EOMES: variants seen among roughly 807,000 people sequenced by gnomAD.
EOMES encodes the protein eomesodermin homolog.
In EOMES, 18 loss-of-function variants were observed where a neutral mutation model predicts 61.0. The ratio of observed to expected loss-of-function variants is 0.30; its 90% CI spans 0.20 to 0.44. The LOEUF (loss-of-function observed/expected upper bound fraction) is 0.44, where lower values mean the gene tolerates loss of function less well. Ranked by LOEUF, EOMES falls within the 20% of genes least tolerant of loss-of-function variation. The pLI, the probability that EOMES is intolerant of heterozygous loss-of-function variation, is 1.00. For synonymous variants in EOMES, 430 were observed against 394.0 expected (o/e 1.09, Z -1.08); for missense variants, 885 against 939.2 (o/e 0.94, Z 0.75).
At position 27,719,466 on chromosome 3, in the gene EOMES, A is replaced by C; in HGVS notation, c.1052T>G (p.Val351Gly). 6.2e-7 allele frequency: 1 copy of C among 1,613,342 alleles called. No homozygotes were observed. The highest frequency in any genetic ancestry group is 8.5e-7 in the Non-Finnish European group (1 of 1,179,492). ...ACCAGTATTAGGAGACTCTGGGTGA[A>C]CATACATTTTGTTGCCTAAGAGAAA... ...DNNMQGNKMY[V>G]HPESPNTGSH... The change falls in exon 3 of 6, where the codon GTT becomes GGT. Residue 351 changes from valine (V) to glycine (G), a missense_variant. By Grantham distance (109) the Val-to-Gly change is moderately radical. Around this residue, in one of 3 missense-constraint regions of EOMES, gnomAD observed 177 missense variants for 273.3 expected, o/e 0.65. Coordinates refer to ENST00000449599, the MANE Select transcript of EOMES (RefSeq NM_001278182.2).
At position 27,717,596 on chromosome 3, in the gene EOMES, G is replaced by T; in HGVS notation, c.1592C>A (p.Ala531Asp). Residue 531 changes from alanine (A) to aspartate (D), a missense_variant, in exon 6 of 6, where the codon GCC becomes GAC. Physicochemically the swap from Ala to Asp is moderately radical, Grantham distance 126 (BLOSUM62 -2). Coordinates refer to ENST00000449599, the MANE Select transcript of EOMES (RefSeq NM_001278182.2). The surrounding 1 kb of genome is among the most constrained non-coding windows in gnomAD (Gnocchi z 4.5). ...GACAAGCCACCGCTGGGGAGGGTTGGCCACCTCTTCGCTCTGTTGGGGTGA... is the reference window on the plus strand; with the variant it reads ...GACAAGCCACCGCTGGGGAGGGTTGTCCACCTCTTCGCTCTGTTGGGGTGA... The part of the protein sequence containing the change: ...LLSPQQSEEV[A>D]NPPQRWLVTP... 1 of 1,614,178 alleles carries T rather than the reference G, an allele frequency of 6.2e-7. No homozygotes were observed. Among genetic ancestry groups the T allele is most frequent in the Non-Finnish European group, 8.5e-7 (1 of 1,180,010 alleles).
chr3:27,719,745 G>A lies in EOMES; in HGVS notation c.1037-264C>T, dbSNP rs140009747. Among the ~76,000 whole-genome samples, 301 of 152,282 alleles carry A rather than the reference G, an allele frequency of 2.0e-3. 2 individuals are homozygous for A. The highest frequency in any genetic ancestry group is 2.8e-3 in the Non-Finnish European group (191 of 68,034). On this transcript the variant is annotated intron_variant, in intron 2 of 5. Coordinates refer to ENST00000449599, the MANE Select transcript of EOMES (RefSeq NM_001278182.2). ...GAATTTAGAAACGGAGCTAACAAGA[G>A]ATGACTCTTGAAGGTCAATTTGGGG...
Position 27,716,629 on chromosome 3 carries a change from T to A in EOMES, c.*441A>T, listed in dbSNP as rs147495458. The A allele has an allele frequency of 5.2e-4, 81 of 156,780 alleles. No individual in the cohort carries two copies. The East Asian group carries it at 0.015, about 28-fold the overall frequency. 9.7% of individuals were successfully genotyped at this position (156,780 alleles called of 1,614,324 possible). Reference sequence around the variant, plus strand: ...CAGAATGTAACAGCAAAATGTCTCCTTCTGAAACGGAAGGCACAGCCCTCT... The same window carrying A: ...CAGAATGTAACAGCAAAATGTCTCCATCTGAAACGGAAGGCACAGCCCTCT... On this transcript the variant is annotated 3_prime_UTR_variant, in exon 6 of 6. Coordinates refer to ENST00000449599, the MANE Select transcript of EOMES (RefSeq NM_001278182.2).
In EOMES at chr3:27,722,026, G is replaced by A; in HGVS notation, c.269C>T (p.Ala90Val). ...LSDTDAGDAF[A>V]SAAAVAKPGP... Reference sequence around the variant, plus strand: ...CGGCTTGGCCACTGCCGCAGCGCTGGCAAATGCGTCCCCGGCGTCGGTGTC... The same window carrying A: ...CGGCTTGGCCACTGCCGCAGCGCTGACAAATGCGTCCCCGGCGTCGGTGTC... The change falls in exon 1 of 6, where the codon GCC (alanine) becomes GTC (valine). Residue 90 changes from alanine to valine, a missense_variant. Physicochemically the swap from Ala to Val is moderately conservative, Grantham distance 64. Transcript: ENST00000449599. 1.3e-6 allele frequency: 2 copies of A among 1,527,580 alleles called. No homozygotes were observed. Among genetic ancestry groups the A allele is most frequent in the Non-Finnish European group, 1.8e-6 (2 of 1,138,320 alleles). 94.6% of individuals were successfully genotyped at this position (1,527,580 alleles called of 1,614,324 possible).
chr3:27,718,690 C>A (rs202235986), intron 4 of EOMES, 42 bp from the exon 5 acceptor site: 2 of 1,612,960 alleles, frequency 1.2e-6, no homozygotes, highest in South Asian at 1.1e-5. Flanking sequence ...ATTTATCATG[C>A]TGGACCTTAG....
At position 27,717,731 on chromosome 3, in the gene EOMES, C is replaced by G. The variant is rs904729096; in HGVS notation, c.1457G>C (p.Gly486Ala). Residue 486 changes from glycine to alanine, a missense_variant, in exon 6 of 6, where the codon GGA (glycine) becomes GCA (alanine). Gly to Ala is a moderately conservative substitution (Grantham distance 60). Coordinates refer to ENST00000449599, the MANE Select transcript of EOMES (RefSeq NM_001278182.2). The surrounding 1 kb of genome is among the most constrained non-coding windows in gnomAD (Gnocchi z 4.5). ...DSPRSHQIVP[G>A]GRYGVQSFFP... is the part of the protein sequence containing the mutation. ...GAAGGATTGAACGCCGTACCGACCTCCAGGGACAATCTGATGGGATCTAGG... is the reference window on the plus strand; with the variant it reads ...GAAGGATTGAACGCCGTACCGACCTGCAGGGACAATCTGATGGGATCTAGG... The G allele has an allele frequency of 6.2e-7, 1 of 1,613,756 alleles. No individual in the cohort carries two copies.
chr3:27,721,932 G>GGCA lies in EOMES; in HGVS notation c.362_363insTGC (p.Ala130dup). 7.3e-7 allele frequency: 1 copy of GGCA among 1,369,454 alleles called. No individual in the cohort carries two copies. The highest frequency in any genetic ancestry group is 9.3e-7 in the Non-Finnish European group (1 of 1,073,388). 84.8% of individuals were successfully genotyped at this position (1,369,454 alleles called of 1,614,324 possible). A position where few individuals can be genotyped will look rare whatever the true frequency, so the allele number is the denominator to read the frequency against. The stretch of plus-strand genomic sequence containing the variant: ...CCGCAGCCGCGGCGGCGGCGGCGGC[G>GGCA]GCGGCTGCAGCGGCGGAGGGCAGCT... On this transcript the variant is annotated inframe_insertion, in exon 1 of 6. Coordinates refer to ENST00000449599, the MANE Select transcript of EOMES (RefSeq NM_001278182.2). This position sits in a 1 kb window ranked among gnomAD's most constrained non-coding sequence, Gnocchi z 7.4.
chr3:27,722,628 A>C, upstream of EOMES: 1 of 1,107,052 alleles, frequency 9.0e-7, no homozygotes. Context: ...GGTGACTTAG[A>C]TCTTTGTCCC....
rs1296160531 is a variant in EOMES, at chr3:27,716,797, C to T, written c.*273G>A. ...GCTTCTTTGAAGGGTTAGTGTCTCC[C>T]CAATAAATAAATACAGAACCTTGGA... is the stretch of plus-strand genomic sequence containing the variant. On this transcript the variant is annotated 3_prime_UTR_variant, in exon 6 of 6. Coordinates refer to ENST00000449599, the MANE Select transcript of EOMES (RefSeq NM_001278182.2). The T allele has an allele frequency of 2.6e-6, 1 of 383,880 alleles. No individual in the cohort carries two copies. The highest frequency in any genetic ancestry group is 4.6e-6 in the Non-Finnish European group (1 of 216,770). 23.8% of individuals were successfully genotyped at this position (383,880 alleles called of 1,614,324 possible).
rs1368074937 is a variant in EOMES at position 27,719,348 on chromosome 3, C to T, written c.1158+12G>A. The T allele has an allele frequency of 2.5e-6, 4 of 1,613,780 alleles. No homozygotes were observed. The highest frequency in any genetic ancestry group is 1.7e-6 in the Non-Finnish European group (2 of 1,179,840). On this transcript the variant is annotated intron_variant, in intron 3 of 5. Coordinates refer to ENST00000449599, the MANE Select transcript of EOMES (RefSeq NM_001278182.2). ...AAGCCAGAAGATATCCCCTCCTGCT[C>T]TGTCACTCTACCTGGGTGTTGTTGT... is the stretch of plus-strand genomic sequence containing the variant.
chr3:27,721,931 C>T lies in EOMES; in HGVS notation c.364G>A (p.Ala122Thr). The T allele has an allele frequency of 2.2e-6, 3 of 1,369,490 alleles. No individual in the cohort carries two copies. Among genetic ancestry groups the T allele is most frequent in the Non-Finnish European group, 2.8e-6 (3 of 1,074,078 alleles). The allele number at this position is 1,369,490 out of a possible 1,614,324, so 84.8% of individuals were successfully genotyped here. A position where few individuals can be genotyped will look rare whatever the true frequency, so the allele number is the denominator to read the frequency against. The change falls in exon 1 of 6, where the codon GCC (alanine) becomes ACC (threonine). Residue 122 changes from alanine (A) to threonine (T), a missense_variant. Transcript: ENST00000449599. This position sits in a 1 kb window ranked among gnomAD's most constrained non-coding sequence, Gnocchi z 7.4. The stretch of plus-strand genomic sequence containing the variant: ...GCCGCAGCCGCGGCGGCGGCGGCGG[C>T]GGCGGCTGCAGCGGCGGAGGGCAGC... ...EELPSAAAAA[A>T]AAAAAAAATA... is the part of the protein sequence containing the mutation.
rs747158057 is a variant in EOMES, at chr3:27,717,360, A to T, written c.1828T>A (p.Trp610Arg). ...ACAGTGGGGCTTGTTCTGGAGGTCC[A>T]TGGTAGTCCAGCTGCCATCTTCCTC... is the stretch of plus-strand genomic sequence containing the variant. ...YQRKMAAGLP[W>R]TSRTSPTVFS... Residue 610 changes from tryptophan to arginine, a missense_variant, in exon 6 of 6, where the codon TGG becomes AGG. By Grantham distance (101) the Trp-to-Arg change is moderately radical. This residue lies in a region of EOMES where 259 missense variants were observed against 282.3 expected (regional missense o/e 0.92). Coordinates refer to ENST00000449599, the MANE Select transcript of EOMES (RefSeq NM_001278182.2). The surrounding 1 kb of genome is among the most constrained non-coding windows in gnomAD (Gnocchi z 4.5). The T allele has an allele frequency of 2.5e-6, 4 of 1,614,174 alleles. No individual in the cohort carries two copies. Among genetic ancestry groups the T allele is most frequent in the Non-Finnish European group, 3.4e-6 (4 of 1,180,042 alleles).
intron 3 of EOMES, 22 bp from the exon 4 acceptor site, chr3:27,718,915 A>T: frequency 1.3e-6 from 2 of 1,578,330 alleles, no homozygotes; most frequent in African/African-American, 1.4e-5. Flanking sequence ...ACAGAAAAAA[A>T]TTGCTAAATC....
At position 27,720,173 on chromosome 3, in the gene EOMES, T is replaced by A. The variant is rs1238799182; in HGVS notation, c.1034A>T (p.Gln345Leu). ...GCCCGAGCCTCTTCTCTGCTCACCC[T>A]GCATGTTATTGTCGGCTTTGCCACA... ...VTCGKADNNMQGNKMYVHPES... is the reference protein window; with the variant it reads ...VTCGKADNNMLGNKMYVHPES... Residue 345 changes from glutamine to leucine, a missense_variant and splice_region_variant, in exon 2 of 6, where the codon CAG becomes CTG. By Grantham distance (113) the Gln-to-Leu change is moderately radical. Around this residue, in one of 3 missense-constraint regions of EOMES, gnomAD observed 177 missense variants for 273.3 expected, o/e 0.65. Transcript: ENST00000449599. 1 of 1,586,904 alleles carries A rather than the reference T, an allele frequency of 6.3e-7. No individual in the cohort carries two copies. Among genetic ancestry groups the A allele is most frequent in the Non-Finnish European group, 8.6e-7 (1 of 1,167,404 alleles).
chr3:27,719,537 G>A, intron 2 of EOMES, 56 bp from the exon 3 acceptor site: 6 of 1,483,054 alleles, frequency 4.0e-6, no homozygotes, highest in Non-Finnish European at 5.6e-6. Context: ...GTTTACAAAT[G>A]GAGAAAGCGG....
chr3:27,717,569 G>A lies in EOMES; in HGVS notation c.1619C>T (p.Thr540Met), dbSNP rs751890928. ...GTTGGTCCCAGGTTGCTGGACAGGCGTGACAAGCCACCGCTGGGGAGGGTT... is the reference window on the plus strand; with the variant it reads ...GTTGGTCCCAGGTTGCTGGACAGGCATGACAAGCCACCGCTGGGGAGGGTT... ...VANPPQRWLV[T>M]PVQQPGTNKL... The change falls in exon 6 of 6, where the codon ACG (threonine) becomes ATG (methionine). Residue 540 changes from threonine (T) to methionine (M), a missense_variant. Physicochemically the swap from Thr to Met is moderately conservative, Grantham distance 81 (BLOSUM62 -1). Around this residue, in one of 3 missense-constraint regions of EOMES, gnomAD observed 259 missense variants for 282.3 expected, o/e 0.92. Transcript: ENST00000449599. This position sits in a 1 kb window ranked among gnomAD's most constrained non-coding sequence, Gnocchi z 4.5. The A allele has an allele frequency of 6.2e-6, 10 of 1,614,166 alleles. No homozygotes were observed. The African/African-American group carries it at 9.3e-5, about 15-fold the overall frequency.
chr3:27,720,210 T>G lies in EOMES; in HGVS notation c.997A>C (p.Lys333Gln), dbSNP rs745642069. 29 of 1,608,398 alleles carry G rather than the reference T, an allele frequency of 1.8e-5. No homozygotes were observed. The highest frequency in any genetic ancestry group is 1.1e-5 in the Non-Finnish European group (13 of 1,177,128). The stretch of plus-strand genomic sequence containing the variant: ...TCGGCTTTGCCACAGGTCACCCATT[T>G]GCCCCCCTGGAAGCGCCAGTGGTTG... ...DPNHWRFQGG[K>Q]WVTCGKADNN... Residue 333 changes from lysine (K) to glutamine (Q), a missense_variant, in exon 2 of 6, where the codon AAA becomes CAA. Around this residue, in one of 3 missense-constraint regions of EOMES, gnomAD observed 177 missense variants for 273.3 expected, o/e 0.65. Transcript: ENST00000449599.
chr3:27,717,396 C>T lies in EOMES; in HGVS notation c.1792G>A (p.Gly598Ser). 6.2e-7 allele frequency: 1 copy of T among 1,614,196 alleles called. No homozygotes were observed. Among genetic ancestry groups the T allele is most frequent in the Non-Finnish European group, 8.5e-7 (1 of 1,180,026 alleles). ...FPAMAGWGGR[G>S]SYQRKMAAGL... Reference sequence around the variant, plus strand: ...GCTGCCATCTTCCTCTGGTAAGAACCTCGACCTCCCCACCCTGCCATTGCA... The same window carrying T: ...GCTGCCATCTTCCTCTGGTAAGAACTTCGACCTCCCCACCCTGCCATTGCA... Residue 598 changes from glycine (G) to serine (S), a missense_variant, in exon 6 of 6, where the codon GGT becomes AGT. This residue lies in a region of EOMES where 259 missense variants were observed against 282.3 expected (regional missense o/e 0.92). Transcript: ENST00000449599. This position sits in a 1 kb window ranked among gnomAD's most constrained non-coding sequence, Gnocchi z 4.5.
intron 1 of EOMES, 101 bp from the exon 2 acceptor site, chr3:27,720,426 A>G: frequency 1.1e-6 from 1 of 924,690 alleles, no homozygotes; most frequent in South Asian, 1.3e-5. Context: ...ATAGGGTCGG[A>G]ACACATTTAA....
Sources: allele counts gnomAD v4.1 joint callset (sites outside exome capture counted in the v4.1 genomes callset), GRCh38; gene constraint gnomAD v4.1.1; regional missense constraint gnomAD v4.1.1; non-coding constraint Gnocchi (gnomAD v3.1); transcripts MANE v1.5; gene names NCBI Gene and HGNC (gene_info 2026-07-23, HGNC 2026-07-21).